The following NEDD4 variants were observed in gnomAD, a reference collection of about 807,000 sequenced individuals.
NEDD4 encodes the protein E3 ubiquitin-protein ligase NEDD4.
Under a neutral mutation model 144.9 loss-of-function variants are expected in NEDD4, and 99 were observed. That is an observed-to-expected ratio of 0.68 (90% confidence interval 0.58 to 0.81). The LOEUF (loss-of-function observed/expected upper bound fraction) is 0.81, where lower values mean the gene tolerates loss of function less well. NEDD4 is among the 30% of genes least tolerant of loss of function. The pLI is 0.00. For missense variants in NEDD4, 985 were observed against 1,065.9 expected (o/e 0.92, Z 1.06); for synonymous variants, 318 against 350.6 (o/e 0.91, Z 1.04).
intron 1 of NEDD4, among the ~76,000 whole-genome samples, chr15:55,983,618 T>C (rs1311421197): frequency 6.6e-6 from 1 of 151,488 alleles, no homozygotes; most frequent in East Asian, 1.9e-4. Flanking sequence ...ATATACTTTT[T>C]TTTTTTTTTT....
intron 6 of NEDD4, 26 bp from the exon 7 acceptor site, chr15:55,872,502 A>G: frequency 9.0e-7 from 1 of 1,109,124 alleles, no homozygotes; most frequent in Non-Finnish European, 1.3e-6. Context: ...GGGTTTTCAA[A>G]ATATATCTAT....
intron 5 of NEDD4, among the ~76,000 whole-genome samples, chr15:55,874,415 G>T (rs2034917049): frequency 6.6e-6 from 1 of 152,066 alleles, no homozygotes; most frequent in Admixed American, 6.5e-5. Context: ...GCTGAAATCT[G>T]CACTATTACT....
chr15:55,956,895 T>C (rs1456170083), intron 2 of NEDD4, among the ~76,000 whole-genome samples: 1 of 152,184 alleles, frequency 6.6e-6, no homozygotes, highest in Non-Finnish European at 1.5e-5. Flanking sequence ...TGGAGAAAAA[T>C]GCCACCCTAA....
At chr15:55,931,142 G>A (rs1347423708) in intron 4 of NEDD4, among the ~76,000 whole-genome samples, 3 of 152,166 alleles carry the variant, frequency 2.0e-5, no homozygotes, top group Non-Finnish European at 4.4e-5. Flanking sequence ...AATTGTAAAA[G>A]ATGATAAAGC....
chr15:55,923,659 AAT>A (rs1555404567), intron 5 of NEDD4, among the ~76,000 whole-genome samples: 12 of 135,268 alleles, frequency 8.9e-5, no homozygotes, highest in Admixed American at 5.4e-4. Context: ...AAAAAAAAAA[AAT>A]ATATATATAT....
chr15:55,888,752 A>G (rs866643873), intron 5 of NEDD4, among the ~76,000 whole-genome samples: 10 of 152,248 alleles, frequency 6.6e-5, no homozygotes, highest in African/African-American at 2.4e-4. Flanking sequence ...GTATAAAAAC[A>G]GACAGACCAA....
At chr15:55,975,935 C>A (rs2037691487) in intron 1 of NEDD4, among the ~76,000 whole-genome samples, 1 of 152,072 alleles carries the variant, frequency 6.6e-6, no homozygotes, top group Non-Finnish European at 1.5e-5. Context: ...AACAGACGTA[C>A]AAACCAATGG....
chr15:55,949,437 A>C lies in NEDD4; in HGVS notation c.237+1939T>G, dbSNP rs368711779. Among the ~76,000 whole-genome samples, 22 of 152,314 alleles carry C rather than the reference A, an allele frequency of 1.4e-4. No homozygotes were observed. The East Asian group carries it at 2.7e-3, about 19-fold the overall frequency. On this transcript the variant is annotated intron_variant, in intron 4 of 28. Transcript: ENST00000435532. ...AACAAGAAATACCATTTGACCCAGC[A>C]ATCCCATTACTGGGTATATACCCAA...
chr15:55,985,218 G>T (rs990889887), intron 1 of NEDD4, among the ~76,000 whole-genome samples: 4 of 152,184 alleles, frequency 2.6e-5, no homozygotes, highest in African/African-American at 9.7e-5. Flanking sequence ...ACCTATAAAA[G>T]AAATTATAGT....
intron 2 of NEDD4, among the ~76,000 whole-genome samples, chr15:55,957,780 T>C (rs1437354779): frequency 6.6e-6 from 1 of 152,224 alleles, no homozygotes; most frequent in African/African-American, 2.4e-5. Flanking sequence ...TACCATGGAA[T>C]ACTATGCAGC....
At chr15:55,942,692 T>C (rs1052030808) in intron 4 of NEDD4, among the ~76,000 whole-genome samples, 3 of 152,330 alleles carry the variant, frequency 2.0e-5, no homozygotes, top group South Asian at 2.1e-4. Flanking sequence ...GGGAGTTCTT[T>C]ATAGCAATGC....
intron 5 of NEDD4, chr15:55,924,317 C>T (rs1206589362): frequency 8.8e-6 from 2 of 226,192 alleles, no homozygotes; most frequent in Admixed American, 1.0e-4. Context: ...ATTCCCAGAG[C>T]CATGGAGTAG....
intron 1 of NEDD4, among the ~76,000 whole-genome samples, chr15:55,975,970 A>G (rs2037692288): frequency 6.6e-6 from 1 of 152,332 alleles, no homozygotes; most frequent in Admixed American, 6.5e-5. Context: ...CCCAGAAGTA[A>G]ATCTATACAT....
chr15:55,910,543 A>AT (rs1360246430), intron 5 of NEDD4, among the ~76,000 whole-genome samples: 2 of 151,980 alleles, frequency 1.3e-5, no homozygotes, highest in African/African-American at 4.8e-5. Flanking sequence ...CAAAATTATA[A>AT]TTTATCTTCC....
At chr15:55,903,739 G>A (rs1165886579) in intron 5 of NEDD4, among the ~76,000 whole-genome samples, 1 of 150,862 alleles carries the variant, frequency 6.6e-6, no homozygotes, top group Non-Finnish European at 1.5e-5. Context: ...GCAGGAGAAT[G>A]GCGTGAACCC....
At chr15:55,888,543 G>A (rs1252668965) in intron 5 of NEDD4, among the ~76,000 whole-genome samples, 2 of 152,176 alleles carry the variant, frequency 1.3e-5, no homozygotes, top group Non-Finnish European at 2.9e-5. Context: ...GCAATCTACA[G>A]ATTTGATGCA....
intron 5 of NEDD4, among the ~76,000 whole-genome samples, chr15:55,911,798 G>A (rs1346497627): frequency 3.3e-5 from 5 of 152,134 alleles, no homozygotes; most frequent in African/African-American, 1.2e-4. Context: ...AAAGTGCTGG[G>A]ATTACAGGCG....
chr15:55,992,868 A>G (rs2038009970), intron 1 of NEDD4, among the ~76,000 whole-genome samples: 1 of 152,194 alleles, frequency 6.6e-6, no homozygotes, highest in Admixed American at 6.5e-5. Context: ...TTTTGGCTTC[A>G]CTTTTTAACA....
intron 2 of NEDD4, among the ~76,000 whole-genome samples, chr15:55,954,161 T>A (rs2037296083): frequency 1.3e-5 from 2 of 152,198 alleles, no homozygotes; most frequent in Non-Finnish European, 2.9e-5. Context: ...ATACTTCTTT[T>A]TTTGGCCCTC....
Sources: allele counts gnomAD v4.1 joint callset (sites outside exome capture counted in the v4.1 genomes callset), GRCh38; gene constraint gnomAD v4.1.1; transcripts MANE v1.5; gene names NCBI Gene and HGNC (gene_info 2026-07-23, HGNC 2026-07-21).